The following NUMB variants were observed in gnomAD, a reference collection of about 807,000 sequenced individuals.
The protein encoded by NUMB is protein numb homolog.
A neutral mutation model predicts 59.7 loss-of-function variants in NUMB; 29 were observed. The observed-to-expected ratio is 0.49, with a 90% CI of 0.36 to 0.66. NUMB has a LOEUF of 0.66. NUMB is among the 30% of genes least tolerant of loss of function. NUMB has a pLI of 0.00. For synonymous variants in NUMB, 288 were observed against 288.2 expected, an observed-to-expected ratio of 1.00 and a Z score of 0.01; for missense variants, 723 against 822.0, an observed-to-expected ratio of 0.88 and a Z score of 1.47.
At chr14:73,332,008 G>T (rs575250565) in intron 4 of NUMB, among the ~76,000 whole-genome samples, 10 of 152,230 alleles carry the variant, frequency 6.6e-5, no homozygotes, top group South Asian at 4.1e-4. Flanking sequence ...ACCATGCAGG[G>T]TTATGACTTA....
intron 1 of NUMB, among the ~76,000 whole-genome samples, chr14:73,417,259 G>C (rs2140144398): frequency 6.6e-6 from 1 of 152,182 alleles, no homozygotes; most frequent in South Asian, 2.1e-4. Context: ...AGTGTAAAAG[G>C]CTTCACTCTG....
chr14:73,449,979 C>G (rs1011029158), intron 1 of NUMB, among the ~76,000 whole-genome samples: 2 of 152,184 alleles, frequency 1.3e-5, no homozygotes, highest in East Asian at 3.9e-4. Context: ...TGAGCCACCG[C>G]GCCCAGCCTT....
chr14:73,287,365 C>T lies in NUMB; in HGVS notation c.451-51G>A, dbSNP rs368308131. 6.4e-6 allele frequency: 9 copies of T among 1,414,340 alleles called. No homozygotes were observed. The East Asian group carries it at 1.9e-4, about 30-fold the overall frequency. 87.6% of individuals were successfully genotyped at this position (1,414,340 alleles called of 1,614,324 possible). A position where few individuals can be genotyped will look rare whatever the true frequency, so the allele number is the denominator to read the frequency against. On this transcript the variant is annotated intron_variant, in intron 8 of 12. Coordinates refer to ENST00000555238, the MANE Select transcript of NUMB (RefSeq NM_001005743.2). ...TTCAGAATTACACTACTAACAATTACATACAAATAAGTCTTTTGTTTTGTT... is the reference window on the plus strand; with the variant it reads ...TTCAGAATTACACTACTAACAATTATATACAAATAAGTCTTTTGTTTTGTT...
Position 73,413,628 on chromosome 14 carries a change from C to T in NUMB, c.-232-3560G>A, listed in dbSNP as rs117094509. Among the ~76,000 whole-genome samples, 1,032 of 151,694 alleles carry T rather than the reference C, an allele frequency of 6.8e-3. 5 individuals are homozygous for T. The highest frequency in any genetic ancestry group is 0.03 in the South Asian group (144 of 4,814). Reference sequence around the variant, plus strand: ...CAAAAATTAGCTAGGCCTAGTGGTGCGCATCTGTAGTCCCAGCTACTCAGG... The same window carrying T: ...CAAAAATTAGCTAGGCCTAGTGGTGTGCATCTGTAGTCCCAGCTACTCAGG... On this transcript the variant is annotated intron_variant, in intron 1 of 12. Transcript: ENST00000555238.
chr14:73,380,731 T>G (rs28428794), intron 2 of NUMB, among the ~76,000 whole-genome samples: 54 of 148,058 alleles, frequency 3.6e-4, no homozygotes, highest in African/African-American at 7.6e-4. Context: ...TTAGTTTTTT[T>G]TTTTTTTTTT....
Position 73,366,992 on chromosome 14 carries a change from A to C in NUMB, c.-100-11T>G, listed in dbSNP as rs1449596825. The C allele has an allele frequency of 2.0e-5, 3 of 152,120 alleles. No individual in the cohort carries two copies. Among genetic ancestry groups the C allele is most frequent in the African/African-American group, 7.2e-5 (3 of 41,422 alleles). The allele number at this position is 152,120 out of a possible 1,614,324, so 9.4% of individuals were successfully genotyped here. A position where few individuals can be genotyped will look rare whatever the true frequency, so the allele number is the denominator to read the frequency against. ...CCTCAGTTTCCTCATCTGTAAAATG[A>C]GAATAATAAACATCTCACAAAATTG... On this transcript the variant is annotated splice_polypyrimidine_tract_variant and intron_variant, in intron 2 of 12. Coordinates refer to ENST00000555238, the MANE Select transcript of NUMB (RefSeq NM_001005743.2).
intron 2 of NUMB, among the ~76,000 whole-genome samples, chr14:73,402,392 C>T (rs1292325400): frequency 6.6e-6 from 1 of 151,956 alleles, no homozygotes; most frequent in Non-Finnish European, 1.5e-5. Context: ...TACTGAGAGC[C>T]CATAAAGTAT....
chr14:73,330,279 G>A (rs1244755006), intron 4 of NUMB, among the ~76,000 whole-genome samples: 2 of 152,068 alleles, frequency 1.3e-5, no homozygotes, highest in Non-Finnish European at 2.9e-5. Context: ...CATTCTGCCT[G>A]CCTTGGCCTC....
At chr14:73,367,296 TA>T (rs1894392420) in intron 2 of NUMB, among the ~76,000 whole-genome samples, 1 of 121,030 alleles carries the variant, frequency 8.3e-6, no homozygotes, top group Non-Finnish European at 1.6e-5. Context: ...TATATATATA[TA>T]CACACACACA....
intron 4 of NUMB, among the ~76,000 whole-genome samples, chr14:73,337,284 G>A (rs1231273888): frequency 6.6e-6 from 1 of 152,134 alleles, no homozygotes; most frequent in Non-Finnish European, 1.5e-5. Context: ...GTCAAGGTGG[G>A]CAGATCACTT....
rs1358246724 is a variant in NUMB, at chr14:73,276,164, T to C, written c.*414A>G. On this transcript the variant is annotated 3_prime_UTR_variant, in exon 13 of 13. Coordinates refer to ENST00000555238, the MANE Select transcript of NUMB (RefSeq NM_001005743.2). ...ACAAACCACTCTTCTTGATCTCTAA[T>C]ACAGGCCACTACTGACAGGAGGCAG... 1 of 171,476 alleles carries C rather than the reference T, an allele frequency of 5.8e-6. No homozygotes were observed. Among genetic ancestry groups the C allele is most frequent in the Non-Finnish European group, 1.3e-5 (1 of 78,720 alleles). 10.6% of individuals were successfully genotyped at this position (171,476 alleles called of 1,614,324 possible). A position where few individuals can be genotyped will look rare whatever the true frequency, so the allele number is the denominator to read the frequency against.
At chr14:73,436,195 T>C (rs1300088420) in intron 1 of NUMB, among the ~76,000 whole-genome samples, 1 of 152,236 alleles carries the variant, frequency 6.6e-6, no homozygotes, top group Non-Finnish European at 1.5e-5. Context: ...TTCTGTCTCA[T>C]TTTAAAGTAC....
chr14:73,370,173 C>T (rs866411126), intron 2 of NUMB, among the ~76,000 whole-genome samples: 8 of 151,918 alleles, frequency 5.3e-5, no homozygotes, highest in Admixed American at 2.0e-4. Context: ...AGGGCTCTGC[C>T]CACATGAGTA....
chr14:73,408,703 C>A (rs1266397048), intron 2 of NUMB, among the ~76,000 whole-genome samples: 2 of 151,874 alleles, frequency 1.3e-5, no homozygotes, highest in Non-Finnish European at 2.9e-5. Context: ...CATGGTGAAA[C>A]CCCGTCTCTA....
At chr14:73,373,498 T>A (rs1468404121) in intron 2 of NUMB, among the ~76,000 whole-genome samples, 2 of 152,216 alleles carry the variant, frequency 1.3e-5, no homozygotes, top group Non-Finnish European at 2.9e-5. Flanking sequence ...GATACTTCAG[T>A]GAACAAATCC....
At chr14:73,415,265 G>T (rs1236635085) in intron 1 of NUMB, among the ~76,000 whole-genome samples, 1 of 152,016 alleles carries the variant, frequency 6.6e-6, no homozygotes, top group East Asian at 1.9e-4. Context: ...AAACACAGAG[G>T]AATAACAATA....
At chr14:73,439,067 T>C (rs1882832154) in intron 1 of NUMB, among the ~76,000 whole-genome samples, 1 of 152,206 alleles carries the variant, frequency 6.6e-6, no homozygotes, top group African/African-American at 2.4e-5. Context: ...AATGCAAATA[T>C]ATACCAACCA....
intron 1 of NUMB, among the ~76,000 whole-genome samples, chr14:73,430,294 A>G (rs1897768679): frequency 6.6e-6 from 1 of 152,030 alleles, no homozygotes; most frequent in South Asian, 2.1e-4. Flanking sequence ...ATATATGACA[A>G]CCTGCCAAAT....
intron 4 of NUMB, among the ~76,000 whole-genome samples, chr14:73,323,963 G>C (rs1471797625): frequency 6.6e-6 from 1 of 152,116 alleles, no homozygotes. Flanking sequence ...ACCTTCTCTT[G>C]ACCTCCTGAC....
Sources: gnomAD v4.1 joint callset for allele counts (sites outside exome capture counted in the v4.1 genomes callset) on GRCh38, gnomAD v4.1.1 for gene constraint, MANE v1.5 for transcripts, NCBI Gene and HGNC (gene_info 2026-07-23, HGNC 2026-07-21) for gene names.